ODAD2: variants seen among roughly 807,000 people sequenced by gnomAD.
ODAD2 encodes outer dynein arm-docking complex subunit 2.
Under a neutral mutation model 106.8 loss-of-function variants are expected in ODAD2, and 89 were observed. That is an observed-to-expected ratio of 0.83 (90% CI 0.70 to 0.99). The LOEUF (loss-of-function observed/expected upper bound fraction) is 0.99. Among genes scored for constraint, ODAD2 ranks in the 50% least tolerant of loss-of-function variants. The probability of loss-of-function intolerance (pLI) is 0.00; values close to 1 mark genes in which losing one functional copy is unlikely to be tolerated. For synonymous variants in ODAD2, 404 were observed against 436.2 expected, an observed-to-expected ratio of 0.93 and a Z score of 0.92; for missense variants, 1,168 against 1,238.5, an observed-to-expected ratio of 0.94 and a Z score of 0.85.
chr10:27,860,979 T>A, intron 18 of ODAD2, 133 bp from the exon 19 acceptor site: 1 of 716,608 alleles, frequency 1.4e-6, no homozygotes, highest in Non-Finnish European at 2.3e-6. Context: ...GCTGACTACC[T>A]AGGTGATGTT....
intron 16 of ODAD2, among the ~76,000 whole-genome samples, chr10:27,928,808 C>T (rs568261138): frequency 3.3e-5 from 5 of 152,138 alleles, no homozygotes; most frequent in Non-Finnish European, 7.4e-5. Flanking sequence ...TACTAGCCTA[C>T]ATTTACACAC....
Position 27,987,374 on chromosome 10 carries a change from C to A in ODAD2, c.382+12G>T. The A allele has an allele frequency of 6.2e-7, 1 of 1,608,602 alleles. No homozygotes were observed. The highest frequency in any genetic ancestry group is 1.1e-5 in the South Asian group (1 of 89,654). On this transcript the variant is annotated intron_variant, in intron 3 of 19. Transcript: ENST00000305242. ...TAAAAGTTCAAATCACAGACTGGAG[C>A]ATTAAGATCACCTTCAACACATGCT...
chr10:27,833,255 G>A (rs1837618729), intron 19 of ODAD2, among the ~76,000 whole-genome samples: 3 of 152,188 alleles, frequency 2.0e-5, no homozygotes, highest in Admixed American at 6.5e-5. Flanking sequence ...GCTTCTGACA[G>A]TGTGGCCAGT....
At chr10:27,825,455 T>C (rs546261308) in intron 19 of ODAD2, among the ~76,000 whole-genome samples, 1 of 152,214 alleles carries the variant, frequency 6.6e-6, no homozygotes, top group Non-Finnish European at 1.5e-5. Context: ...GAAATGGCCA[T>C]GAGTCTTTTT....
At position 27,829,394 on chromosome 10, in the gene ODAD2, A is replaced by T. The variant is rs370799412; in HGVS notation, c.3022-16769T>A. Among the ~76,000 whole-genome samples the T allele has an allele frequency of 2.0e-5, 3 of 152,168 alleles. No homozygotes were observed. The East Asian group carries it at 5.8e-4, about 29-fold the overall frequency. ...CTTTTTTCAAACTCCCGTTGACTTA[A>T]CCTCATTCTCAAGGCCTCCTTGGCC... On this transcript the variant is annotated intron_variant, in intron 19 of 19. Transcript: ENST00000305242.
chr10:27,837,119 C>A (rs1837954599), intron 19 of ODAD2, among the ~76,000 whole-genome samples: 1 of 152,102 alleles, frequency 6.6e-6, no homozygotes, highest in African/African-American at 2.4e-5. Flanking sequence ...TTGTTGTCCA[C>A]ACAATTCCAC....
intron 9 of ODAD2, among the ~76,000 whole-genome samples, chr10:27,964,646 T>G (rs1012251460): frequency 2.6e-5 from 4 of 152,204 alleles, no homozygotes; most frequent in African/African-American, 7.2e-5. Context: ...AGTAACTGGT[T>G]AGGTTTTTGT....
In ODAD2 at chr10:27,918,497, T is replaced by C. The variant is rs201350893; in HGVS notation, c.2496-10720A>G. 6.6e-5 allele frequency among the ~76,000 whole-genome samples: 10 copies of C among 152,060 alleles called. No individual in the cohort carries two copies. The South Asian group carries it at 1.2e-3, about 19-fold the overall frequency. On this transcript the variant is annotated intron_variant, in intron 16 of 19. Transcript: ENST00000305242. ...AAGCATCGTATAAAATTCAAAAATC[T>C]ATTTTTATTAAAATATAACTCTCAC...
chr10:27,899,816 A>C lies in ODAD2; in HGVS notation c.2610+7847T>G, dbSNP rs184464457. Among the ~76,000 whole-genome samples, 3 of 152,316 alleles carry C rather than the reference A, an allele frequency of 2.0e-5. 1 individual carries two copies. The highest frequency in any genetic ancestry group is 4.4e-5 in the Non-Finnish European group (3 of 68,026). ...TGAAAGAAAGGAAGCAGCTCCAGTC[A>C]GGAGCTTATACATAAAACTCCCATC... On this transcript the variant is annotated intron_variant, in intron 17 of 19. Transcript: ENST00000305242.
chr10:27,927,723 T>C (rs1346986107), intron 16 of ODAD2, among the ~76,000 whole-genome samples: 1 of 152,106 alleles, frequency 6.6e-6, no homozygotes, highest in East Asian at 1.9e-4. Flanking sequence ...GTTTTTTCTA[T>C]AACTCACTCT....
At chr10:27,855,081 A>G (rs1157690673) in intron 19 of ODAD2, among the ~76,000 whole-genome samples, 3 of 152,152 alleles carry the variant, frequency 2.0e-5, no homozygotes, top group Non-Finnish European at 4.4e-5. Flanking sequence ...TTGGTTTGGT[A>G]ATAGTTTCAT....
chr10:27,871,787 C>G (rs760790967), intron 17 of ODAD2, among the ~76,000 whole-genome samples: 1 of 152,010 alleles, frequency 6.6e-6, no homozygotes, highest in Non-Finnish European at 1.5e-5. Context: ...AGTCAGGTAG[C>G]GTGATGCCTG....
At chr10:27,889,054 T>C (rs771662244) in intron 17 of ODAD2, among the ~76,000 whole-genome samples, 17 of 152,210 alleles carry the variant, frequency 1.1e-4, no homozygotes, top group Non-Finnish European at 1.9e-4. Context: ...GTTTAGATTT[T>C]ACAGGACAAT....
chr10:27,875,054 C>A (rs1841220585), intron 17 of ODAD2, among the ~76,000 whole-genome samples: 1 of 152,140 alleles, frequency 6.6e-6, no homozygotes, highest in African/African-American at 2.4e-5. Flanking sequence ...TTGTTTGTTT[C>A]TTTTTATTCT....
intron 17 of ODAD2, among the ~76,000 whole-genome samples, chr10:27,873,361 T>G (rs1423656173): frequency 8.0e-6 from 1 of 125,714 alleles, no homozygotes; most frequent in Non-Finnish European, 1.7e-5. Context: ...CTCCTTCAGT[T>G]CTGCTCTGAT....
At chr10:27,876,043 C>T (rs1241309779) in intron 17 of ODAD2, among the ~76,000 whole-genome samples, 1 of 152,176 alleles carries the variant, frequency 6.6e-6, no homozygotes, top group African/African-American at 2.4e-5. Flanking sequence ...AACAAAGAGG[C>T]CAGGAAGCTC....
intron 17 of ODAD2, among the ~76,000 whole-genome samples, chr10:27,882,099 A>G (rs1157311208): frequency 6.6e-6 from 1 of 151,530 alleles, no homozygotes; most frequent in Non-Finnish European, 1.5e-5. Flanking sequence ...AGCCCAGGAG[A>G]CAGAGGTTGC....
chr10:27,881,590 T>G (rs1841712044), intron 17 of ODAD2, among the ~76,000 whole-genome samples: 1 of 151,764 alleles, frequency 6.6e-6, no homozygotes, highest in South Asian at 2.1e-4. Flanking sequence ...TGAGCTATAA[T>G]CACACCATTG....
chr10:27,815,839 A>C (rs1418698591), intron 19 of ODAD2, among the ~76,000 whole-genome samples: 1 of 152,168 alleles, frequency 6.6e-6, no homozygotes, highest in Admixed American at 6.5e-5. Context: ...TCCACCCCAG[A>C]AACCTCTTTG....
Sources: gnomAD v4.1 joint callset for allele counts (sites outside exome capture counted in the v4.1 genomes callset) on GRCh38, gnomAD v4.1.1 for gene constraint, MANE v1.5 for transcripts, NCBI Gene and HGNC (gene_info 2026-07-23, HGNC 2026-07-21) for gene names.